The following CPNE1 variants were observed in gnomAD, a reference collection of about 807,000 sequenced individuals.
CPNE1 encodes the protein copine 1, also known as copine-1.
A neutral mutation model predicts 63.2 loss-of-function variants in CPNE1; 58 were observed. The ratio of observed to expected loss-of-function variants is 0.92; its 90% CI spans 0.74 to 1.14. The LOEUF is 1.14. Ranked by LOEUF, CPNE1 falls within the 50% of genes most tolerant of loss-of-function variation. The pLI is 0.00. For missense variants in CPNE1, 672 were observed against 661.7 expected, an observed-to-expected ratio of 1.02 and a Z score of -0.17; for synonymous variants, 237 against 249.0, an observed-to-expected ratio of 0.95 and a Z score of 0.45.
At chr20:35,652,408 A>G (rs2033584223) in intron 1 of CPNE1, 1 of 1,238,922 alleles carries the variant, frequency 8.1e-7, no homozygotes, top group Admixed American at 2.3e-5. Flanking sequence ...ATGGAAACCA[A>G]GCTATATGCA....
intron 1 of CPNE1, among the ~76,000 whole-genome samples, chr20:35,637,677 G>A (rs1281462966): frequency 1.3e-5 from 2 of 152,022 alleles, no homozygotes; most frequent in Non-Finnish European, 2.9e-5. Context: ...CACATTTCTG[G>A]GTTTATTAGC....
chr20:35,655,028 G>A (rs762669025), intron 1 of CPNE1: 4 of 1,614,152 alleles, frequency 2.5e-6, no homozygotes, highest in Admixed American at 1.7e-5. Context: ...GCATTTGCTG[G>A]TGGTATATCT....
At position 35,647,767 on chromosome 20, in the gene CPNE1, T is replaced by A. The variant is rs192470250; in HGVS notation, c.1-14844A>T. On this transcript the variant is annotated intron_variant, in intron 1 of 15. Transcript: ENST00000397443. ...AGAACAGCATGGTAAAGAATTACCATTTACCAGCTGGGCACGGTGGCTCAC... is the reference window on the plus strand; with the variant it reads ...AGAACAGCATGGTAAAGAATTACCAATTACCAGCTGGGCACGGTGGCTCAC... Among the ~76,000 whole-genome samples, 782 of 151,678 alleles carry A rather than the reference T, an allele frequency of 5.2e-3. 7 individuals carry two copies. Among genetic ancestry groups the A allele is most frequent in the Admixed American group, 8.9e-3 (135 of 15,246 alleles).
intron 1 of CPNE1, chr20:35,658,829 AC>A: frequency 1.6e-6 from 1 of 627,908 alleles, no homozygotes; most frequent in Non-Finnish European, 2.9e-6. Flanking sequence ...ACACACACAC[AC>A]ACACACACAA....
intron 1 of CPNE1, among the ~76,000 whole-genome samples, chr20:35,639,998 G>C (rs901872454): frequency 2.0e-5 from 3 of 152,146 alleles, no homozygotes; most frequent in Non-Finnish European, 4.4e-5. Flanking sequence ...AGTAGGATAA[G>C]GGGCTGAACT....
In CPNE1 at chr20:35,646,498, C is replaced by G. The variant is rs149945152; in HGVS notation, c.1-13575G>C. Among the ~76,000 whole-genome samples, 333 of 150,774 alleles carry G rather than the reference C, an allele frequency of 2.2e-3. 1 individual carries two copies. Among genetic ancestry groups the G allele is most frequent in the African/African-American group, 7.7e-3 (316 of 40,982 alleles). ...TCGGCCTCCCAAAGTGCTGGGATTA[C>G]AGGTGTGACCCACCACACCCAGCCT... On this transcript the variant is annotated intron_variant, in intron 1 of 15. Transcript: ENST00000397443.
chr20:35,654,261 T>C (rs2033746655), intron 1 of CPNE1: 2 of 1,614,184 alleles, frequency 1.2e-6, no homozygotes, highest in Non-Finnish European at 1.7e-6. Context: ...CAAATGTATC[T>C]TGAGGGGAGA....
intron 1 of CPNE1, among the ~76,000 whole-genome samples, chr20:35,662,328 GTT>G (rs773769480): frequency 7.1e-4 from 108 of 152,280 alleles, no homozygotes; most frequent in Non-Finnish European, 1.2e-3. Flanking sequence ...CATTCACTCT[GTT>G]TTTGAGTCTT....
intron 1 of CPNE1, among the ~76,000 whole-genome samples, chr20:35,646,016 G>A (rs1409128144): frequency 1.3e-5 from 2 of 151,760 alleles, no homozygotes; most frequent in Admixed American, 6.6e-5. Context: ...GCCAAGGCGG[G>A]AGCATCACTT....
chr20:35,633,330 G>C (rs2032287091), intron 1 of CPNE1, among the ~76,000 whole-genome samples: 2 of 152,270 alleles, frequency 1.3e-5, no homozygotes, highest in South Asian at 4.1e-4. Context: ...TCCAAGTTCT[G>C]ATCCTAACAT....
intron 1 of CPNE1, 115 bp from the exon 2 acceptor site, chr20:35,633,038 C>T: frequency 1.3e-6 from 1 of 741,096 alleles, no homozygotes; most frequent in South Asian, 1.7e-5. Flanking sequence ...GAGCATACGT[C>T]CACCCCCGTG....
In CPNE1 at chr20:35,626,587, G is replaced by C; in HGVS notation, c.1453C>G (p.Pro485Ala). 6.2e-7 allele frequency: 1 copy of C among 1,614,160 alleles called. No homozygotes were observed. The highest frequency in any genetic ancestry group is 8.5e-7 in the Non-Finnish European group (1 of 1,180,008). ...CTCACATTCTGGAACCGGCGGTAGG[G>C]TACAAACTGCACAATGTCGCGGGCA... ...AAARDIVQFV[P>A]YRRFQNAPRE... The change falls in exon 15 of 16, where the codon CCC becomes GCC. Residue 485 changes from proline (P) to alanine (A), a missense_variant. Transcript: ENST00000397443.
chr20:35,664,446 T>C (rs2034422504), intron 1 of CPNE1: 2 of 152,376 alleles, frequency 1.3e-5, no homozygotes, highest in African/African-American at 4.8e-5. Flanking sequence ...GTGTTTTTAC[T>C]GCAGTCCCCG....
At chr20:35,639,202 A>G (rs1482952760) in intron 1 of CPNE1, among the ~76,000 whole-genome samples, 2 of 152,216 alleles carry the variant, frequency 1.3e-5, no homozygotes, top group African/African-American at 4.8e-5. Flanking sequence ...GAAATCCACC[A>G]AAAAATAAAA....
At chr20:35,653,413 T>C in intron 1 of CPNE1, 1 of 1,613,954 alleles carries the variant, frequency 6.2e-7, no homozygotes, top group Non-Finnish European at 8.5e-7. Flanking sequence ...CTTTAATCCC[T>C]TTTTTCCTTG....
At chr20:35,638,498 A>T (rs958758971) in intron 1 of CPNE1, among the ~76,000 whole-genome samples, 1 of 152,230 alleles carries the variant, frequency 6.6e-6, no homozygotes, top group Non-Finnish European at 1.5e-5. Context: ...AATTAAAAAG[A>T]CCACCACCAC....
chr20:35,642,183 G>C (rs924979378), intron 1 of CPNE1, among the ~76,000 whole-genome samples: 3 of 152,168 alleles, frequency 2.0e-5, no homozygotes, highest in Admixed American at 1.3e-4. Context: ...CCTGGGTCCA[G>C]TGGGATCTAA....
intron 1 of CPNE1, among the ~76,000 whole-genome samples, chr20:35,648,198 G>C (rs546468238): frequency 8.5e-5 from 13 of 152,186 alleles, no homozygotes; most frequent in Admixed American, 5.9e-4. Context: ...ACTCTTTCCA[G>C]AACATTTCAC....
chr20:35,629,652 A>G (rs1336800430), intron 13 of CPNE1, among the ~76,000 whole-genome samples: 1 of 149,732 alleles, frequency 6.7e-6, no homozygotes, highest in Non-Finnish European at 1.5e-5. Flanking sequence ...GTCATGTGGC[A>G]TCATTTTTTT....
Sources: gnomAD v4.1 joint callset for allele counts (sites outside exome capture counted in the v4.1 genomes callset) on GRCh38, gnomAD v4.1.1 for gene constraint, MANE v1.5 for transcripts, NCBI Gene and HGNC (gene_info 2026-07-23, HGNC 2026-07-21) for gene names.